RALYL: variants seen among roughly 807,000 people sequenced by gnomAD.
RALYL encodes the protein RALY RNA binding protein like, also known as RNA-binding Raly-like protein.
A neutral mutation model predicts 35.1 loss-of-function variants in RALYL; 29 were observed. The observed-to-expected ratio is 0.83, with a 90% confidence interval of 0.61 to 1.13. The LOEUF (loss-of-function observed/expected upper bound fraction) is 1.13, where lower values mean the gene tolerates loss of function less well. Among genes scored for constraint, RALYL ranks in the 50% most tolerant of loss-of-function variants. The pLI, the probability that RALYL is intolerant of heterozygous loss-of-function variation, is 0.00. For synonymous variants in RALYL, 120 were observed against 127.6 expected (o/e 0.94, Z 0.40); for missense variants, 359 against 360.4 (o/e 1.00, Z 0.03).
chr8:84,549,320 G>T (rs896902111), intron 2 of RALYL, among the ~76,000 whole-genome samples: 4 of 152,146 alleles, frequency 2.6e-5, no homozygotes, highest in African/African-American at 9.7e-5. Context: ...CAAAACAGAG[G>T]AAAACAATGC....
intron 2 of RALYL, among the ~76,000 whole-genome samples, chr8:84,726,716 T>G (rs1219797130): frequency 6.6e-6 from 1 of 152,030 alleles, no homozygotes; most frequent in Non-Finnish European, 1.5e-5. Flanking sequence ...TTCTCAGTTT[T>G]ATGAAGTTTT....
intron 1 of RALYL, among the ~76,000 whole-genome samples, chr8:84,227,287 T>A (rs1401008682): frequency 6.6e-6 from 1 of 151,976 alleles, no homozygotes; most frequent in East Asian, 1.9e-4. Flanking sequence ...CTTGAACTCC[T>A]GACCTCATGA....
Position 84,774,778 on chromosome 8 carries a change from C to T in RALYL, c.332+124C>T, listed in dbSNP as rs771932755. 17 of 669,028 alleles carry T rather than the reference C, an allele frequency of 2.5e-5. 1 individual carries two copies. The highest frequency in any genetic ancestry group is 4.4e-5 in the Non-Finnish European group (17 of 386,818). 41.4% of individuals were successfully genotyped at this position (669,028 alleles called of 1,614,324 possible). A position where few individuals can be genotyped will look rare whatever the true frequency, so the allele number is the denominator to read the frequency against. ...TAATCCTTATTGGAATAAAGTACAA[C>T]AAATGTTGTTGGTCAACATATAAAT... On this transcript the variant is annotated intron_variant, in intron 3 of 8. Coordinates refer to ENST00000521268, the MANE Select transcript of RALYL (RefSeq NM_173848.7).
intron 1 of RALYL, among the ~76,000 whole-genome samples, chr8:84,224,996 T>A (rs906320401): frequency 3.3e-5 from 5 of 152,168 alleles, no homozygotes; most frequent in Admixed American, 2.0e-4. Context: ...CATGTTGAAC[T>A]TCATTTGGAA....
intron 2 of RALYL, among the ~76,000 whole-genome samples, chr8:84,686,315 C>T (rs73298104): frequency 0.021 from 3,260 of 152,216 alleles, 132 homozygotes; most frequent in African/African-American, 0.074. Flanking sequence ...AAACAACATG[C>T]ATAGAGGGGA....
chr8:84,581,012 CAACTTT>C (rs1810698984), intron 2 of RALYL, among the ~76,000 whole-genome samples: 1 of 152,108 alleles, frequency 6.6e-6, no homozygotes, highest in African/African-American at 2.4e-5. Context: ...CAAGGATGGC[CAACTTT>C]AACTACATGT....
chr8:84,829,143 G>C (rs1452337885), intron 4 of RALYL, among the ~76,000 whole-genome samples: 1 of 152,116 alleles, frequency 6.6e-6, no homozygotes, highest in Non-Finnish European at 1.5e-5. Context: ...TGGCAGGCAA[G>C]AGAGCATGTG....
At chr8:84,184,748 C>T (rs1297667115) in intron 1 of RALYL, 5 of 422,538 alleles carry the variant, frequency 1.2e-5, no homozygotes, top group Non-Finnish European at 2.1e-5. Context: ...ACTAGGCGGC[C>T]GGCGGGCCCT....
At chr8:84,706,386 A>C (rs1841218334) in intron 2 of RALYL, among the ~76,000 whole-genome samples, 1 of 152,098 alleles carries the variant, frequency 6.6e-6, no homozygotes, top group Non-Finnish European at 1.5e-5. Context: ...CTTTTCTAGG[A>C]GTGATAGATT....
chr8:84,527,261 G>T (rs1373597885), intron 1 of RALYL, among the ~76,000 whole-genome samples: 1 of 152,168 alleles, frequency 6.6e-6, no homozygotes, highest in Admixed American at 6.5e-5. Context: ...CATCTACACA[G>T]AATAAAAGAA....
At chr8:84,817,102 G>A (rs940599378) in intron 4 of RALYL, among the ~76,000 whole-genome samples, 3 of 152,110 alleles carry the variant, frequency 2.0e-5, no homozygotes, top group African/African-American at 7.2e-5. Flanking sequence ...CCAAACAAGA[G>A]AGAGTAAATA....
chr8:84,640,468 A>G (rs1216507312), intron 2 of RALYL, among the ~76,000 whole-genome samples: 1 of 152,038 alleles, frequency 6.6e-6, no homozygotes, highest in East Asian at 1.9e-4. Flanking sequence ...TTGTGTTAAG[A>G]TTATGAGTAT....
rs374482451 is a variant in RALYL, at chr8:84,192,626, C to A, written c.-24+8202C>A. On this transcript the variant is annotated intron_variant, in intron 1 of 8. Transcript: ENST00000521268. ...AGGCTAGAGTGCAGTGACACGATTTCGGCTCACTGCAACCTCCGCTTACCA... is the reference window on the plus strand; with the variant it reads ...AGGCTAGAGTGCAGTGACACGATTTAGGCTCACTGCAACCTCCGCTTACCA... Among the ~76,000 whole-genome samples, 11 of 151,664 alleles carry A rather than the reference C, an allele frequency of 7.3e-5. No homozygotes were observed. The East Asian group carries it at 1.6e-3, about 21-fold the overall frequency.
chr8:84,468,904 T>C lies in RALYL; in HGVS notation c.-23-60395T>C, dbSNP rs530088124. The stretch of plus-strand genomic sequence containing the variant: ...TTCATTTCATTCATTTCATCTTCCA[T>C]TGCTGATACCCTTTCTTCCAGTTGA... On this transcript the variant is annotated intron_variant, in intron 1 of 8. Transcript: ENST00000521268. 1.8e-4 allele frequency among the ~76,000 whole-genome samples: 28 copies of C among 152,046 alleles called. 1 individual carries two copies. The South Asian group carries it at 3.5e-3, about 19-fold the overall frequency.
chr8:84,849,561 G>T (rs912662343), intron 4 of RALYL, among the ~76,000 whole-genome samples: 206 of 141,806 alleles, frequency 1.5e-3, no homozygotes, highest in African/African-American at 9.2e-4. Flanking sequence ...TTTTGTTTTT[G>T]TTTTTTTTTT....
intron 2 of RALYL, among the ~76,000 whole-genome samples, chr8:84,744,441 C>T (rs1360941387): frequency 1.3e-5 from 2 of 151,876 alleles, no homozygotes; most frequent in Non-Finnish European, 1.5e-5. Flanking sequence ...TCTTTAGGTC[C>T]CATTGAAGCA....
At chr8:84,645,240 A>T (rs1410809082) in intron 2 of RALYL, among the ~76,000 whole-genome samples, 1 of 151,744 alleles carries the variant, frequency 6.6e-6, no homozygotes, top group Non-Finnish European at 1.5e-5. Context: ...TCCCCCCACT[A>T]TGTTGTGTTT....
chr8:84,659,823 T>C (rs1830582775), intron 2 of RALYL, among the ~76,000 whole-genome samples: 1 of 152,214 alleles, frequency 6.6e-6, no homozygotes, highest in South Asian at 2.1e-4. Context: ...GATCCCCATA[T>C]TAATCAAAAT....
chr8:84,614,507 A>G (rs1033884643), intron 2 of RALYL, among the ~76,000 whole-genome samples: 8 of 151,680 alleles, frequency 5.3e-5, no homozygotes, highest in African/African-American at 1.9e-4. Context: ...CAGCCCTTCA[A>G]TCTCCCTCAG....
Sources: allele counts gnomAD v4.1 joint callset (sites outside exome capture counted in the v4.1 genomes callset), GRCh38; gene constraint gnomAD v4.1.1; transcripts MANE v1.5; gene names NCBI Gene and HGNC (gene_info 2026-07-23, HGNC 2026-07-21).